The following COL5A2 variants were observed in gnomAD, a reference collection of about 807,000 sequenced individuals.
COL5A2 encodes the protein collagen alpha-2(V) chain.
COL5A2 carries 23 observed loss-of-function variants against 208.2 expected under a neutral mutation model. That is an observed-to-expected ratio of 0.11 (90% CI 0.08 to 0.16). COL5A2 has a LOEUF of 0.16. COL5A2 is among the 10% of genes least tolerant of loss of function. COL5A2 has a pLI of 1.00. For synonymous variants in COL5A2, 625 were observed against 628.5 expected (o/e 0.99, Z 0.08); for missense variants, 1,590 against 1,956.4 (o/e 0.81, Z 3.53).
At chr2:189,434,775 C>A in the COL5A2 span, among the ~76,000 whole-genome samples, 17 of 152,092 alleles carry the variant, frequency 1.1e-4, no homozygotes, top group Non-Finnish European at 2.2e-4. Flanking sequence ...AGATTCAATG[C>A]CATCCCCATC....
chr2:189,397,307 G>A, the COL5A2 span, among the ~76,000 whole-genome samples: 1 of 152,198 alleles, frequency 6.6e-6, no homozygotes, highest in Non-Finnish European at 1.5e-5. Context: ...GGTGCTGGAT[G>A]CTGGGAATAC....
the COL5A2 span, among the ~76,000 whole-genome samples, chr2:189,359,348 T>C: frequency 4.2e-4 from 64 of 152,318 alleles, no homozygotes; most frequent in African/African-American, 1.4e-3. Context: ...TTTTTGTCCT[T>C]CATTCCGTTA....
chr2:189,362,829 C>G, the COL5A2 span, among the ~76,000 whole-genome samples: 2 of 151,632 alleles, frequency 1.3e-5, no homozygotes, highest in Non-Finnish European at 2.9e-5. Context: ...TTTTAAGATA[C>G]CAAAATGTCT....
chr2:189,374,409 A>G, the COL5A2 span, among the ~76,000 whole-genome samples: 2 of 152,092 alleles, frequency 1.3e-5, no homozygotes, highest in Non-Finnish European at 2.9e-5. Context: ...TATTAACAAC[A>G]AATCAACCAC....
At chr2:189,427,048 T>C in the COL5A2 span, among the ~76,000 whole-genome samples, 1 of 152,182 alleles carries the variant, frequency 6.6e-6, no homozygotes, top group Non-Finnish European at 1.5e-5. Flanking sequence ...GCCAAGACAA[T>C]GGGAGAAAGA....
At chr2:189,144,626 A>G (rs1688003521) in intron 1 of COL5A2, among the ~76,000 whole-genome samples, 1 of 151,816 alleles carries the variant, frequency 6.6e-6, no homozygotes, top group Admixed American at 6.6e-5. Flanking sequence ...TAAAAAATAC[A>G]TATATTTTAT....
At chr2:189,314,641 C>T in the COL5A2 span, among the ~76,000 whole-genome samples, 3 of 152,166 alleles carry the variant, frequency 2.0e-5, no homozygotes, top group Middle Eastern at 3.4e-3. Flanking sequence ...TTCAAAAAAT[C>T]CAGGAGCTAG....
chr2:189,354,176 G>C, the COL5A2 span, among the ~76,000 whole-genome samples: 2 of 152,214 alleles, frequency 1.3e-5, no homozygotes, highest in South Asian at 4.1e-4. Context: ...GCTTGATTTG[G>C]TTTGCCAGTA....
At chr2:189,107,707 T>G (rs1687178407) in intron 2 of COL5A2, among the ~76,000 whole-genome samples, 1 of 148,362 alleles carries the variant, frequency 6.7e-6, no homozygotes, top group Admixed American at 6.7e-5. Context: ...TCACTGTGTT[T>G]TCAAGTATCT....
the COL5A2 span, among the ~76,000 whole-genome samples, chr2:189,431,197 A>T: frequency 6.6e-6 from 1 of 152,204 alleles, no homozygotes; most frequent in African/African-American, 2.4e-5. Flanking sequence ...GGTCACCAAC[A>T]TCAAAGACCA....
the COL5A2 span, among the ~76,000 whole-genome samples, chr2:189,279,750 C>G: frequency 8.6e-5 from 13 of 151,928 alleles, no homozygotes. Flanking sequence ...AAATAATTTA[C>G]AAGAACAAGA....
chr2:189,267,150 A>G, the COL5A2 span, among the ~76,000 whole-genome samples: 1 of 152,154 alleles, frequency 6.6e-6, no homozygotes, highest in Non-Finnish European at 1.5e-5. Context: ...GACTTTTAGT[A>G]AACCACTTAT....
At chr2:189,145,533 T>C (rs185695913) in intron 1 of COL5A2, among the ~76,000 whole-genome samples, 1 of 152,226 alleles carries the variant, frequency 6.6e-6, no homozygotes, top group Admixed American at 6.5e-5. Context: ...TAAAACTTTA[T>C]GAACACAAAA....
intron 1 of COL5A2, among the ~76,000 whole-genome samples, chr2:189,141,309 T>C (rs966367307): frequency 2.6e-5 from 4 of 152,196 alleles, no homozygotes; most frequent in African/African-American, 7.2e-5. Context: ...ACAAGGCAGT[T>C]TTCAGATGTT....
At chr2:189,072,823 A>C (rs2105615634) in intron 17 of COL5A2, among the ~76,000 whole-genome samples, 1 of 151,582 alleles carries the variant, frequency 6.6e-6, no homozygotes, top group Admixed American at 6.6e-5. Context: ...TCAGGCAATA[A>C]GTGGATATTT....
chr2:189,186,444 C>A (rs1688853896), intron 1 of COL5A2, among the ~76,000 whole-genome samples: 1 of 152,104 alleles, frequency 6.6e-6, no homozygotes. Flanking sequence ...ACTGTGTTAG[C>A]ACTTTATATG....
At chr2:189,301,915 C>G in the COL5A2 span, among the ~76,000 whole-genome samples, 66 of 152,152 alleles carry the variant, frequency 4.3e-4, 1 homozygote, top group African/African-American at 1.5e-3. Flanking sequence ...AATCAAAACA[C>G]AAATACAAAT....
chr2:189,373,889 A>G, the COL5A2 span, among the ~76,000 whole-genome samples: 1 of 152,314 alleles, frequency 6.6e-6, no homozygotes, highest in African/African-American at 2.4e-5. Flanking sequence ...AATGCCTTTA[A>G]TCTCCCATGT....
At chr2:189,407,892 A>G in the COL5A2 span, among the ~76,000 whole-genome samples, 6 of 152,296 alleles carry the variant, frequency 3.9e-5, no homozygotes, top group Non-Finnish European at 8.8e-5. Context: ...TTCTGGGAAA[A>G]TAAAAATATT....
Sources: gnomAD v4.1 joint callset for allele counts (sites outside exome capture counted in the v4.1 genomes callset) on GRCh38, gnomAD v4.1.1 for gene constraint, MANE v1.5 for transcripts, NCBI Gene and HGNC (gene_info 2026-07-23, HGNC 2026-07-21) for gene names.